RBFOX1: variants seen among roughly 807,000 people sequenced by gnomAD.
RBFOX1 encodes the protein RNA binding fox-1 homolog 1.
Under a neutral mutation model 57.7 loss-of-function variants are expected in RBFOX1, and 8 were observed. The ratio of observed to expected loss-of-function variants is 0.14; its 90% CI spans 0.08 to 0.25. RBFOX1 has a LOEUF of 0.25. RBFOX1 is among the 10% of genes least tolerant of loss of function. RBFOX1 has a pLI of 1.00. For missense variants in RBFOX1, 611 were observed against 548.5 expected, an observed-to-expected ratio of 1.11 and a Z score of -1.14; for synonymous variants, 326 against 222.4, an observed-to-expected ratio of 1.47 and a Z score of -4.15.
intron 2 of RBFOX1, among the ~76,000 whole-genome samples, chr16:6,534,781 G>A (rs969567917): frequency 2.6e-5 from 4 of 152,094 alleles, no homozygotes; most frequent in African/African-American, 9.7e-5. Flanking sequence ...CTTTGACTGG[G>A]GTACTGGTTC....
intron 1 of RBFOX1, among the ~76,000 whole-genome samples, chr16:6,060,513 C>CACAG (rs1491524019): frequency 1.3e-5 from 2 of 152,136 alleles, no homozygotes; most frequent in Non-Finnish European, 1.5e-5. Flanking sequence ...GTTGACCTTT[C>CACAG]ACAGAGTGTA....
intron 1 of RBFOX1, among the ~76,000 whole-genome samples, chr16:6,137,552 C>T (rs1049942658): frequency 6.6e-6 from 1 of 151,456 alleles, no homozygotes; most frequent in Non-Finnish European, 1.5e-5. Flanking sequence ...GTGATCCGCC[C>T]ACCTCGGCCT....
chr16:6,498,977 C>G (rs1045727785), intron 2 of RBFOX1, among the ~76,000 whole-genome samples: 12 of 152,166 alleles, frequency 7.9e-5, no homozygotes, highest in African/African-American at 2.2e-4. Flanking sequence ...CAAAAAGCGA[C>G]TTATGGTTAA....
intron 4 of RBFOX1, among the ~76,000 whole-genome samples, chr16:7,181,579 C>G (rs551054467): frequency 8.2e-4 from 125 of 151,746 alleles, no homozygotes; most frequent in African/African-American, 3.0e-3. Context: ...TCCTCTCTTT[C>G]TCGCTTGCTT....
intron 3 of RBFOX1, among the ~76,000 whole-genome samples, chr16:6,735,837 A>G (rs1315311891): frequency 6.6e-6 from 1 of 152,108 alleles, no homozygotes; most frequent in Non-Finnish European, 1.5e-5. Flanking sequence ...CTTGAGGCGG[A>G]GCATTGGTTA....
At chr16:7,371,671 A>G (rs774687530) in intron 4 of RBFOX1, among the ~76,000 whole-genome samples, 12 of 151,978 alleles carry the variant, frequency 7.9e-5, no homozygotes, top group African/African-American at 1.7e-4. Context: ...AATCGCTTGA[A>G]CCCATGGGGC....
intron 2 of RBFOX1, among the ~76,000 whole-genome samples, chr16:6,389,241 C>A (rs1567174787): frequency 6.6e-6 from 1 of 152,034 alleles, no homozygotes. Context: ...TCTGTGGGCA[C>A]AAGTTGGGAA....
chr16:6,581,349 G>C (rs929720818), intron 2 of RBFOX1, among the ~76,000 whole-genome samples: 1 of 152,190 alleles, frequency 6.6e-6, no homozygotes, highest in Non-Finnish European at 1.5e-5. Flanking sequence ...CTTCCTCTTT[G>C]TTGGAGATGG....
intron 4 of RBFOX1, among the ~76,000 whole-genome samples, chr16:5,968,577 T>A (rs540720974): frequency 1.3e-4 from 20 of 152,318 alleles, no homozygotes; most frequent in African/African-American, 4.8e-4. Context: ...TGAAAATAAT[T>A]TTCTTTCCCT....
In RBFOX1 at chr16:5,289,822, A is replaced by C. The variant is rs2063490204; in HGVS notation, c.219+49717A>C. On this transcript the variant is annotated intron_variant, in intron 1 of 2. Coordinates refer to the RBFOX1 transcript ENST00000585867. ...GGCTTTCTTTCTTACACAGTGTGGC[A>C]CTTCTTCAAAAGCTTAAACACAGAG... Among the ~76,000 whole-genome samples the C allele has an allele frequency of 2.6e-5, 4 of 152,266 alleles. 1 individual carries two copies. In the South Asian group the frequency reaches 8.3e-4, roughly 32 times the overall value.
chr16:6,052,575 GAGATCGACACC>G (rs1478730209), intron 1 of RBFOX1, among the ~76,000 whole-genome samples: 2 of 151,934 alleles, frequency 1.3e-5, no homozygotes, highest in African/African-American at 4.8e-5. Flanking sequence ...ACGAGGTCAG[GAGATCGACACC>G]ATCCTGGCTA....
At chr16:7,431,487 C>T (rs2098679621) in intron 4 of RBFOX1, among the ~76,000 whole-genome samples, 1 of 152,152 alleles carries the variant, frequency 6.6e-6, no homozygotes, top group Non-Finnish European at 1.5e-5. Flanking sequence ...GTGATCCTTC[C>T]ACTTTGGCCT....
intron 1 of RBFOX1, among the ~76,000 whole-genome samples, chr16:5,336,982 A>G (rs531903612): frequency 3.9e-5 from 6 of 152,138 alleles, no homozygotes; most frequent in African/African-American, 4.8e-5. Flanking sequence ...GAGCTCCGGG[A>G]GATTTAAGAG....
At chr16:7,004,763 T>C (rs551284806) in intron 3 of RBFOX1, among the ~76,000 whole-genome samples, 21 of 152,282 alleles carry the variant, frequency 1.4e-4, no homozygotes, top group Non-Finnish European at 2.4e-4. Flanking sequence ...ACACCAAGGA[T>C]TGGCTGTACC....
At chr16:7,021,367 C>G (rs991356352) in intron 3 of RBFOX1, among the ~76,000 whole-genome samples, 1 of 140,942 alleles carries the variant, frequency 7.1e-6, no homozygotes, top group African/African-American at 2.6e-5. Context: ...TATTTATGTT[C>G]TTATATATTT....
At position 6,923,167 on chromosome 16, in the gene RBFOX1, T is replaced by C. The variant is rs577925798; in HGVS notation, c.-15-128890T>C. Among the ~76,000 whole-genome samples the C allele has an allele frequency of 3.3e-5, 5 of 152,266 alleles. No individual in the cohort carries two copies. The East Asian group carries it at 9.7e-4, about 29-fold the overall frequency. On this transcript the variant is annotated intron_variant, in intron 3 of 15. Coordinates refer to ENST00000550418, the MANE Select transcript of RBFOX1 (RefSeq NM_018723.4). The stretch of plus-strand genomic sequence containing the variant: ...GGTCCAGTGTGAGTCTGAGAATAAA[T>C]ACCCTGGTCCCTGCTCCTGGTCTTC...
In RBFOX1 at chr16:5,890,031, G is replaced by T. The variant is rs138727007; in HGVS notation, c.351+22696G>T. Among the ~76,000 whole-genome samples the T allele has an allele frequency of 2.6e-3, 389 of 152,266 alleles. 1 individual carries two copies. Among genetic ancestry groups the T allele is most frequent in the African/African-American group, 9.1e-3 (378 of 41,544 alleles). On this transcript the variant is annotated intron_variant, in intron 4 of 19. Coordinates refer to the RBFOX1 transcript ENST00000641259. ...ATGCAGCAAAGTGGACATGACACAC[G>T]GGGTGTGTTGACTGGCAGTTCCGTG...
chr16:6,170,995 G>A (rs2096956096), intron 1 of RBFOX1, among the ~76,000 whole-genome samples: 1 of 152,148 alleles, frequency 6.6e-6, no homozygotes, highest in Non-Finnish European at 1.5e-5. Context: ...TGTGATTGAT[G>A]GGCATTTAGG....
intron 2 of RBFOX1, among the ~76,000 whole-genome samples, chr16:6,654,381 G>C (rs2098630485): frequency 6.6e-6 from 1 of 152,158 alleles, no homozygotes; most frequent in Non-Finnish European, 1.5e-5. Context: ...ACATCTGCAT[G>C]TAATAAAACT....
Sources: gnomAD v4.1 joint callset for allele counts (sites outside exome capture counted in the v4.1 genomes callset) on GRCh38, gnomAD v4.1.1 for gene constraint, MANE v1.5 for transcripts, NCBI Gene and HGNC (gene_info 2026-07-23, HGNC 2026-07-21) for gene names.